Variants in HSDL1 observed in about 807,000 individuals in gnomAD.
The protein encoded by HSDL1 is hydroxysteroid dehydrogenase like 1, also known as inactive hydroxysteroid dehydrogenase-like protein 1.
A neutral mutation model predicts 31.5 loss-of-function variants in HSDL1; 29 were observed. The observed-to-expected ratio is 0.92, with a 90% CI of 0.69 to 1.26. The LOEUF is 1.26. Among genes scored for constraint, HSDL1 ranks in the 50% most tolerant of loss-of-function variants. HSDL1 has a pLI of 0.00. For missense variants in HSDL1, 503 were observed against 416.6 expected (o/e 1.21, Z -1.81); for synonymous variants, 222 against 155.2 (o/e 1.43, Z -3.20).
rs770059917 is a variant in HSDL1, at chr16:84,131,296, A to T, written c.26T>A (p.Leu9His). 5.0e-5 allele frequency: 80 copies of T among 1,613,970 alleles called. No individual in the cohort carries two copies. Among genetic ancestry groups the T allele is most frequent in the Non-Finnish European group, 6.7e-5 (79 of 1,179,978 alleles). Residue 9 changes from leucine (L) to histidine (H), a missense_variant, in exon 3 of 6, where the codon CTC becomes CAC. Transcript: ENST00000219439. MAAVDSFYLLYREIARSCN... is the reference protein window; with the variant it reads MAAVDSFYHLYREIARSCN... The stretch of plus-strand genomic sequence containing the variant: ...AGACCTGGCGATTTCCCTGTACAAG[A>T]GGTAGAAACTGTCAACAGCAGCCAT...
chr16:84,130,198 CGTT>C lies in HSDL1; in HGVS notation c.451_453del (p.Asn151del), dbSNP rs751894377. On this transcript the variant is annotated inframe_deletion, in exon 4 of 6. Transcript: ENST00000219439. The stretch of plus-strand genomic sequence containing the variant: ...TGCGGGTAGGGATAAAACACACCCA[CGTT>C]ATTTACCAAGATGCCAACGTCTTTG... 6.2e-7 allele frequency: 1 copy of C among 1,614,182 alleles called. No homozygotes were observed.
At chr16:84,144,650 T>C (rs1017201495) in intron 1 of HSDL1, among the ~76,000 whole-genome samples, 1 of 151,928 alleles carries the variant, frequency 6.6e-6, no homozygotes, top group Admixed American at 6.6e-5. Flanking sequence ...AAGGAGGCGA[T>C]TGCTGGGGCC....
At position 84,123,180 on chromosome 16, in the gene HSDL1, T is replaced by C. The variant is rs1003054436; in HGVS notation, c.*1450A>G. 1 of 152,182 alleles carries C rather than the reference T, an allele frequency of 6.6e-6. No homozygotes were observed. Among genetic ancestry groups the C allele is most frequent in the Non-Finnish European group, 1.5e-5 (1 of 68,032 alleles). 9.4% of individuals were successfully genotyped at this position (152,182 alleles called of 1,614,324 possible). A position where few individuals can be genotyped will look rare whatever the true frequency, so the allele number is the denominator to read the frequency against. On this transcript the variant is annotated 3_prime_UTR_variant, in exon 6 of 6. Coordinates refer to ENST00000219439, the MANE Select transcript of HSDL1 (RefSeq NM_031463.5). The stretch of plus-strand genomic sequence containing the variant: ...TGAAGTTGACCACTGATCTTCTGAG[T>C]GCAAGTCACATCTGGAAATCCTGTA...
rs1245296929 is a variant in HSDL1 at position 84,123,017 on chromosome 16, A to G, written c.*1613T>C. ...AAGTTGCTGCTGCTTATTATACATC[A>G]AAGTTCACGTCAATGTGGCATGAAG... On this transcript the variant is annotated 3_prime_UTR_variant, in exon 6 of 6. Coordinates refer to ENST00000219439, the MANE Select transcript of HSDL1 (RefSeq NM_031463.5). The G allele has an allele frequency of 6.6e-6, 1 of 152,222 alleles. No individual in the cohort carries two copies. Among genetic ancestry groups the G allele is most frequent in the African/African-American group, 2.4e-5 (1 of 41,456 alleles). The allele number at this position is 152,222 out of a possible 1,614,324, so 9.4% of individuals were successfully genotyped here. A position where few individuals can be genotyped will look rare whatever the true frequency, so the allele number is the denominator to read the frequency against.
intron 2 of HSDL1, 28 bp from the exon 3 acceptor site, chr16:84,131,355 C>T: frequency 6.8e-7 from 1 of 1,466,556 alleles, no homozygotes; most frequent in Non-Finnish European, 9.5e-7. Flanking sequence ...GAGAGAGAGC[C>T]TCTTTGATTA....
chr16:84,127,302 G>A (rs183225468), intron 5 of HSDL1, among the ~76,000 whole-genome samples: 158 of 135,138 alleles, frequency 1.2e-3, no homozygotes, highest in African/African-American at 3.9e-3. Context: ...TGCCACCTCC[G>A]CATCCTGGGT....
Position 84,130,018 on chromosome 16 carries a change from T to C in HSDL1, c.634A>G (p.Thr212Ala), listed in dbSNP as rs757845284. 3 of 1,613,094 alleles carry C rather than the reference T, an allele frequency of 1.9e-6. No homozygotes were observed. Among genetic ancestry groups the C allele is most frequent in the Non-Finnish European group, 2.5e-6 (3 of 1,179,706 alleles). The change falls in exon 4 of 6, where the codon ACT becomes GCT. Residue 212 changes from threonine to alanine, a missense_variant. By Grantham distance (58) the Thr-to-Ala change is moderately conservative. Transcript: ENST00000219439. Reference sequence around the variant, plus strand: ...GCAGAAAATGCAGCCAGCTGAGGAGTGGGTTTGCAGCAGGAGCCAGAAGAG... The same window carrying C: ...GCAGAAAATGCAGCCAGCTGAGGAGCGGGTTTGCAGCAGGAGCCAGAAGAG... Reference protein sequence around the residue: ...TISSGSCCKPTPQLAAFSASK... With the variant: ...TISSGSCCKPAPQLAAFSASK...
intron 1 of HSDL1, among the ~76,000 whole-genome samples, chr16:84,137,325 C>A (rs574716699): frequency 1.3e-3 from 193 of 152,322 alleles, no homozygotes; most frequent in African/African-American, 4.4e-3. Flanking sequence ...TTAGGAAGTC[C>A]CCCGCATGCA....
intron 2 of HSDL1, among the ~76,000 whole-genome samples, chr16:84,133,769 G>A (rs1650329212): frequency 6.6e-6 from 1 of 152,076 alleles, no homozygotes; most frequent in Admixed American, 6.6e-5. Flanking sequence ...ATGAAAAGTT[G>A]GGCCCCTTTA....
chr16:84,136,807 C>G (rs946985960), intron 1 of HSDL1, among the ~76,000 whole-genome samples: 4 of 152,222 alleles, frequency 2.6e-5, no homozygotes, highest in Non-Finnish European at 5.9e-5. Context: ...CACAGAGCAT[C>G]AGGGGGGCTG....
At chr16:84,126,993 A>G (rs80098286) in intron 5 of HSDL1, among the ~76,000 whole-genome samples, 3,487 of 152,306 alleles carry the variant, frequency 0.023, 127 homozygotes, top group African/African-American at 0.079. Flanking sequence ...ATTCTCAAGG[A>G]AAGTTTATCA....
At chr16:84,131,483 G>GTCTATCTATCTATCTATCTA (rs36192181) in intron 2 of HSDL1, among the ~76,000 whole-genome samples, 156 bp from the exon 3 acceptor site, 4 of 144,240 alleles carry the variant, frequency 2.8e-5, no homozygotes, top group South Asian at 2.2e-4. Flanking sequence ...CACAGTTTCA[G>GTCTATCTATCTATCTATCTA]TCTATCTATC....
In HSDL1 at chr16:84,130,381, C is replaced by A; in HGVS notation, c.271G>T (p.Gly91Cys). The A allele has an allele frequency of 6.2e-7, 1 of 1,613,800 alleles. No individual in the cohort carries two copies. The highest frequency in any genetic ancestry group is 8.5e-7 in the Non-Finnish European group (1 of 1,180,008). The change falls in exon 4 of 6, where the codon GGT (glycine) becomes TGT (cysteine). Residue 91 changes from glycine to cysteine, a missense_variant. Transcript: ENST00000219439. Reference sequence around the variant, plus strand: ...CGACTAATCAGGATTATATTGAGACCTCGGCTTGCTAACTCTTCAGCGTAG... The same window carrying A: ...CGACTAATCAGGATTATATTGAGACATCGGCTTGCTAACTCTTCAGCGTAG... Reference protein sequence around the residue: ...KAYAEELASRGLNIILISRNE... With the variant: ...KAYAEELASRCLNIILISRNE...
Position 84,122,354 on chromosome 16 carries a change from T to C in HSDL1, c.*2276A>G, listed in dbSNP as rs2086562492. ...AGATTAACTTTCAAAGGTTCATATT[T>C]CCCACGTTCTTTTTTTTTTTTTGAG... On this transcript the variant is annotated 3_prime_UTR_variant, in exon 6 of 6. Coordinates refer to ENST00000219439, the MANE Select transcript of HSDL1 (RefSeq NM_031463.5). The C allele has an allele frequency of 6.7e-6, 1 of 149,314 alleles. No homozygotes were observed. Among genetic ancestry groups the C allele is most frequent in the African/African-American group, 2.5e-5 (1 of 39,586 alleles). 9.2% of individuals were successfully genotyped at this position (149,314 alleles called of 1,614,324 possible). A position where few individuals can be genotyped will look rare whatever the true frequency, so the allele number is the denominator to read the frequency against.
In HSDL1 at chr16:84,129,625, T is replaced by C. The variant is rs779018221; in HGVS notation, c.817A>G (p.Lys273Glu). The stretch of plus-strand genomic sequence containing the variant: ...GAAACAGCATGATGTGCATAGACTT[T>C]TGGCGAAGGCACCAACCACGAGCAC... Reference protein sequence around the residue: ...HRCSWLVPSPKVYAHHAVSTL... With the variant: ...HRCSWLVPSPEVYAHHAVSTL... The change falls in exon 5 of 6, where the codon AAA becomes GAA. Residue 273 changes from lysine (K) to glutamate (E), a missense_variant. Coordinates refer to ENST00000219439, the MANE Select transcript of HSDL1 (RefSeq NM_031463.5). The C allele has an allele frequency of 1.2e-5, 19 of 1,614,068 alleles. No homozygotes were observed. In the South Asian group the frequency reaches 1.4e-4, roughly 12 times the overall value.
intron 1 of HSDL1, among the ~76,000 whole-genome samples, chr16:84,138,328 T>A (rs1326756032): frequency 6.6e-6 from 1 of 152,162 alleles, no homozygotes; most frequent in African/African-American, 2.4e-5. Flanking sequence ...GGGTCATGGG[T>A]GGGAAGTTTT....
At chr16:84,132,233 T>C (rs1407171370) in intron 2 of HSDL1, among the ~76,000 whole-genome samples, 1 of 152,218 alleles carries the variant, frequency 6.6e-6, no homozygotes, top group Non-Finnish European at 1.5e-5. Flanking sequence ...GCTTTATTCA[T>C]AATCAGCAAG....
At chr16:84,140,905 C>T (rs1459472538) in intron 1 of HSDL1, among the ~76,000 whole-genome samples, 6 of 152,058 alleles carry the variant, frequency 3.9e-5, no homozygotes, top group Admixed American at 2.0e-4. Context: ...AGATCGAGAC[C>T]ACGGTGAAAC....
chr16:84,131,929 C>G (rs138451509), intron 2 of HSDL1, among the ~76,000 whole-genome samples: 5,853 of 152,304 alleles, frequency 0.038, 177 homozygotes, highest in African/African-American at 0.081. Flanking sequence ...GATCCGCCAC[C>G]CTTGGCCTCC....
Sources: gnomAD v4.1 joint callset for allele counts (sites outside exome capture counted in the v4.1 genomes callset) on GRCh38, gnomAD v4.1.1 for gene constraint, MANE v1.5 for transcripts, NCBI Gene and HGNC (gene_info 2026-07-23, HGNC 2026-07-21) for gene names.